PCM1: variants seen among roughly 807,000 people sequenced by gnomAD.
PCM1 encodes pericentriolar material 1 protein.
PCM1 carries 157 observed loss-of-function variants against 241.9 expected under a neutral mutation model. The ratio of observed to expected loss-of-function variants is 0.65; its 90% CI spans 0.57 to 0.74. The LOEUF (loss-of-function observed/expected upper bound fraction) is 0.74. Among genes scored for constraint, PCM1 ranks in the 30% least tolerant of loss-of-function variants. PCM1 has a pLI of 0.00. For synonymous variants in PCM1, 1,085 were observed against 784.9 expected (o/e 1.38, Z -6.39); for missense variants, 3,478 against 2,360.1 (o/e 1.47, Z -9.81).
chr8:18,019,129 C>A (rs190328141), intron 36 of PCM1, among the ~76,000 whole-genome samples: 42 of 152,026 alleles, frequency 2.8e-4, no homozygotes, highest in African/African-American at 9.9e-4. Flanking sequence ...CCTGGAAGAA[C>A]CAGCAATATA....
intron 7 of PCM1, among the ~76,000 whole-genome samples, chr8:17,948,090 C>T (rs954496597): frequency 3.3e-5 from 5 of 151,952 alleles, no homozygotes; most frequent in African/African-American, 1.2e-4. Context: ...ATAGTCTATC[C>T]CCCACTGTCT....
intron 24 of PCM1, among the ~76,000 whole-genome samples, chr8:17,981,273 A>G (rs955379261): frequency 1.3e-5 from 2 of 152,126 alleles, no homozygotes; most frequent in Middle Eastern, 3.2e-3. Flanking sequence ...CTGTTTTTCT[A>G]TCTCAAGTCC....
intron 29 of PCM1, among the ~76,000 whole-genome samples, chr8:18,000,034 C>T (rs1282411021): frequency 6.6e-6 from 1 of 152,090 alleles, no homozygotes; most frequent in Non-Finnish European, 1.5e-5. Context: ...ATGATACAGG[C>T]CATGCTCAGA....
rs769262537 is a variant in PCM1 at position 17,972,508 on chromosome 8, A to G, written c.3764A>G (p.Glu1255Gly). ...DTNGRRRQFD[E>G]ESLESFSSMP... is the part of the protein sequence containing the mutation. Reference sequence around the variant, plus strand: ...AACGGAAGAAGACGCCAGTTTGATGAAGAATCACTGGAAAGCTTTAGCAGT... The same window carrying G: ...AACGGAAGAAGACGCCAGTTTGATGGAGAATCACTGGAAAGCTTTAGCAGT... The change falls in exon 23 of 39, where the codon GAA (glutamate) becomes GGA (glycine). Residue 1255 changes from glutamate (E) to glycine (G), a missense_variant. Physicochemically the swap from Glu to Gly is moderately conservative, Grantham distance 98. Transcript: ENST00000325083. 1 of 1,613,968 alleles carries G rather than the reference A, an allele frequency of 6.2e-7. No individual in the cohort carries two copies. The highest frequency in any genetic ancestry group is 1.7e-5 in the Admixed American group (1 of 60,016).
At chr8:17,976,632 A>G (rs750107341) in intron 23 of PCM1, among the ~76,000 whole-genome samples, 33 of 152,180 alleles carry the variant, frequency 2.2e-4, no homozygotes, top group African/African-American at 2.7e-4. Context: ...GGACATGTGC[A>G]AGGTCTCCAG....
chr8:17,934,261 T>C (rs1396633209), intron 2 of PCM1, among the ~76,000 whole-genome samples: 4 of 126,238 alleles, frequency 3.2e-5, no homozygotes, highest in Non-Finnish European at 7.5e-5. Context: ...TTTATTTAAT[T>C]TTTAATCTTT....
Position 17,966,073 on chromosome 8 carries a change from G to A in PCM1, c.2930G>A (p.Ser977Asn). The A allele has an allele frequency of 6.2e-7, 1 of 1,613,836 alleles. No homozygotes were observed. Among genetic ancestry groups the A allele is most frequent in the Non-Finnish European group, 8.5e-7 (1 of 1,179,794 alleles). Residue 977 changes from serine to asparagine, a missense_variant, in exon 19 of 39, where the codon AGC becomes AAC. Physicochemically the swap from Ser to Asn is conservative, Grantham distance 46 (BLOSUM62 1). Transcript: ENST00000325083. ...PLAKTRQQNI[S>N]MQRQENLRWV... ...GCCAAGACAAGGCAACAGAATATCA[G>A]CATGCAACGGCAAGAAAACCTTCGT...
chr8:18,003,342 C>G (rs1484968251), intron 29 of PCM1, among the ~76,000 whole-genome samples: 1 of 152,202 alleles, frequency 6.6e-6, no homozygotes, highest in East Asian at 1.9e-4. Flanking sequence ...AGACCAGGTT[C>G]ATTGTCACTC....
At chr8:17,971,431 G>A (rs1051706780) in intron 22 of PCM1, among the ~76,000 whole-genome samples, 2 of 152,178 alleles carry the variant, frequency 1.3e-5, no homozygotes, top group Non-Finnish European at 2.9e-5. Context: ...TTACAGACCT[G>A]TTTAACTTTG....
chr8:17,943,644 C>T (rs1300567323), intron 6 of PCM1, among the ~76,000 whole-genome samples: 1 of 151,824 alleles, frequency 6.6e-6, no homozygotes, highest in East Asian at 1.9e-4. Context: ...GCATTTATTT[C>T]ATTTTGACTT....
intron 6 of PCM1, chr8:17,940,231 T>G: frequency 1.3e-6 from 1 of 757,916 alleles, no homozygotes; most frequent in Non-Finnish European, 2.2e-6. Flanking sequence ...CAAGATGTTA[T>G]TTTTATAGGC....
rs1303608490 is a variant in PCM1 at position 18,028,958 on chromosome 8, T to A, written c.*1296T>A. 2 of 178,794 alleles carry A rather than the reference T, an allele frequency of 1.1e-5. No individual in the cohort carries two copies. The highest frequency in any genetic ancestry group is 1.3e-4 in the Admixed American group (2 of 15,872). The allele number at this position is 178,794 out of a possible 1,614,324, so 11.1% of individuals were successfully genotyped here. ...CGAGGTCAAGAGATTGAGACCATCCTGCCCAACATGGGGGAAACCCCGTCT... is the reference window on the plus strand; with the variant it reads ...CGAGGTCAAGAGATTGAGACCATCCAGCCCAACATGGGGGAAACCCCGTCT... On this transcript the variant is annotated 3_prime_UTR_variant, in exon 39 of 39. Coordinates refer to ENST00000325083, the MANE Select transcript of PCM1 (RefSeq NM_006197.4).
chr8:17,938,706 T>C (rs1463127009), intron 4 of PCM1, 34 bp from the exon 5 acceptor site: 1 of 1,560,390 alleles, frequency 6.4e-7, no homozygotes, highest in Non-Finnish European at 8.8e-7. Flanking sequence ...ATAAGGTTAA[T>C]GTTTGTGTGA....
At chr8:17,943,180 ATT>A (rs5889755) in intron 6 of PCM1, among the ~76,000 whole-genome samples, 13 of 131,648 alleles carry the variant, frequency 9.9e-5, no homozygotes, top group Non-Finnish European at 9.5e-5. Flanking sequence ...GGTTTGTTGT[ATT>A]TTTTTTTTTT....
intron 9 of PCM1, among the ~76,000 whole-genome samples, chr8:17,954,661 G>A (rs1477463040): frequency 6.6e-6 from 1 of 152,112 alleles, no homozygotes; most frequent in Non-Finnish European, 1.5e-5. Flanking sequence ...ACTAAAGTGA[G>A]CAACAAATAA....
intron 2 of PCM1, chr8:17,934,987 A>G (rs566784477): frequency 6.6e-6 from 1 of 152,362 alleles, no homozygotes; most frequent in East Asian, 1.9e-4. Flanking sequence ...AAACTAGGGT[A>G]GTAAGCATCA....
intron 24 of PCM1, among the ~76,000 whole-genome samples, chr8:17,982,966 C>A (rs1427972955): frequency 6.6e-6 from 1 of 152,120 alleles, no homozygotes; most frequent in Admixed American, 6.5e-5. Flanking sequence ...GTGGGAGGTT[C>A]ACCTTGATGT....
chr8:17,994,794 G>C (rs992998758), intron 29 of PCM1, among the ~76,000 whole-genome samples: 6 of 151,496 alleles, frequency 4.0e-5, no homozygotes, highest in African/African-American at 1.5e-4. Flanking sequence ...ATCATGTTGA[G>C]CACCTTTTAT....
rs2081500107 is a variant in PCM1, at chr8:17,983,169, T to A, written c.4109-2278T>A. ...TTTTTTCATTCACTTATTCATGTTATAGACCCTGTCTTTACTACTCATACA... is the reference window on the plus strand; with the variant it reads ...TTTTTTCATTCACTTATTCATGTTAAAGACCCTGTCTTTACTACTCATACA... On this transcript the variant is annotated intron_variant, in intron 24 of 38. Coordinates refer to ENST00000325083, the MANE Select transcript of PCM1 (RefSeq NM_006197.4). 5 of 777,002 alleles carry A rather than the reference T, an allele frequency of 6.4e-6. 1 individual carries two copies. The Admixed American group carries it at 1.5e-4, about 23-fold the overall frequency. The allele number at this position is 777,002 out of a possible 1,614,324, so 48.1% of individuals were successfully genotyped here.
Sources: gnomAD v4.1 joint callset for allele counts (sites outside exome capture counted in the v4.1 genomes callset) on GRCh38, gnomAD v4.1.1 for gene constraint, MANE v1.5 for transcripts, NCBI Gene and HGNC (gene_info 2026-07-23, HGNC 2026-07-21) for gene names.